DTNA: variants seen among roughly 807,000 people sequenced by gnomAD.
DTNA encodes the protein dystrophin-related protein 3.
In DTNA, 43 loss-of-function variants were observed where a neutral mutation model predicts 100.7. That is an observed-to-expected ratio of 0.43 (90% CI 0.33 to 0.55). The LOEUF is 0.55. Ranked by LOEUF, DTNA falls within the 20% of genes least tolerant of loss-of-function variation. The pLI, the probability that DTNA is intolerant of heterozygous loss-of-function variation, is 0.04. For missense variants in DTNA, 798 were observed against 953.9 expected, an observed-to-expected ratio of 0.84 and a Z score of 2.15; for synonymous variants, 349 against 347.9, an observed-to-expected ratio of 1.00 and a Z score of -0.04.
rs181092486 is a variant in DTNA at position 34,868,214 on chromosome 18, C to G, written c.1743+4152C>G. The G allele has an allele frequency of 8.8e-4, 251 of 284,076 alleles. 1 individual carries two copies. In the Middle Eastern group the frequency reaches 0.02, roughly 23 times the overall value. 17.6% of individuals were successfully genotyped at this position (284,076 alleles called of 1,614,324 possible). On this transcript the variant is annotated intron_variant, in intron 17 of 22. Coordinates refer to ENST00000444659, the MANE Select transcript of DTNA (RefSeq NM_001386795.1). The stretch of plus-strand genomic sequence containing the variant: ...TTATCAGTACAGAAATACCACTTCT[C>G]AGGGGAACAAAATTTCTGTTGGCAT...
At chr18:34,802,186 A>G (rs1401339871) in intron 4 of DTNA, among the ~76,000 whole-genome samples, 1 of 152,196 alleles carries the variant, frequency 6.6e-6, no homozygotes, top group Admixed American at 6.5e-5. Flanking sequence ...GTTTGGCCTG[A>G]AGTTTTAGGG....
chr18:34,497,062 T>C (rs527716133), intron 1 of DTNA, among the ~76,000 whole-genome samples: 1 of 151,600 alleles, frequency 6.6e-6, no homozygotes, highest in East Asian at 1.9e-4. Context: ...ACTTGCCTAT[T>C]TGCAAAGAGT....
upstream of DTNA, among the ~76,000 whole-genome samples, chr18:34,706,009 G>T (rs373278614): frequency 6.6e-6 from 1 of 152,070 alleles, no homozygotes; most frequent in Non-Finnish European, 1.5e-5. Flanking sequence ...GTGTAGTGGC[G>T]TGATCTCAGC....
At chr18:34,535,823 A>G (rs1447881225) in intron 1 of DTNA, among the ~76,000 whole-genome samples, 1 of 151,808 alleles carries the variant, frequency 6.6e-6, no homozygotes, top group Non-Finnish European at 1.5e-5. Flanking sequence ...GGCATTTTTT[A>G]CCTCTGCCCC....
At chr18:34,510,712 A>G (rs773348385) in intron 1 of DTNA, among the ~76,000 whole-genome samples, 1 of 150,702 alleles carries the variant, frequency 6.6e-6, no homozygotes, top group Non-Finnish European at 1.5e-5. Flanking sequence ...TTAAAAGTAC[A>G]GGTATCTAAA....
At chr18:34,554,205 G>A (rs1287943208) in intron 1 of DTNA, among the ~76,000 whole-genome samples, 1 of 134,646 alleles carries the variant, frequency 7.4e-6, no homozygotes, top group African/African-American at 3.0e-5. Context: ...GAATGCTTGT[G>A]ATTTTTGTAC....
At chr18:34,843,354 T>A in intron 13 of DTNA, among the ~76,000 whole-genome samples, 1 of 151,722 alleles carries the variant, frequency 6.6e-6, no homozygotes, top group South Asian at 2.1e-4. Flanking sequence ...TGGGCAAGAA[T>A]TTTTTTTTAA....
chr18:34,701,421 G>A (rs544289544), intron 1 of DTNA, among the ~76,000 whole-genome samples: 2 of 152,130 alleles, frequency 1.3e-5, no homozygotes, highest in South Asian at 2.1e-4. Context: ...ATAGAAGCAC[G>A]CTCACATGGT....
At chr18:34,691,154 C>T (rs569951905) in intron 1 of DTNA, among the ~76,000 whole-genome samples, 56 of 152,328 alleles carry the variant, frequency 3.7e-4, no homozygotes, top group African/African-American at 1.3e-3. Flanking sequence ...TCATATAGCA[C>T]ACCTATATTA....
At chr18:34,813,524 T>C (rs925759517) in intron 6 of DTNA, among the ~76,000 whole-genome samples, 1 of 150,028 alleles carries the variant, frequency 6.7e-6, no homozygotes, top group African/African-American at 2.5e-5. Flanking sequence ...GGATTAAGAG[T>C]CAGGAAGTCT....
At chr18:34,724,013 A>G (rs1177229317) in intron 1 of DTNA, among the ~76,000 whole-genome samples, 8 of 152,250 alleles carry the variant, frequency 5.3e-5, no homozygotes, top group Admixed American at 5.2e-4. Flanking sequence ...ATGAGTGAAT[A>G]TTCTTAGATA....
chr18:34,754,169 C>T (rs948184464), intron 1 of DTNA, among the ~76,000 whole-genome samples: 2 of 152,162 alleles, frequency 1.3e-5, no homozygotes, highest in African/African-American at 4.8e-5. Context: ...TAGTGCTTCA[C>T]CCATAAAAGC....
chr18:34,800,295 C>A (rs982680371), intron 4 of DTNA, among the ~76,000 whole-genome samples: 1 of 152,044 alleles, frequency 6.6e-6, no homozygotes, highest in Admixed American at 6.6e-5. Context: ...GATGAGATAC[C>A]CTTGGAAAAT....
At chr18:34,856,833 C>A (rs2096558051) in intron 15 of DTNA, among the ~76,000 whole-genome samples, 1 of 152,226 alleles carries the variant, frequency 6.6e-6, no homozygotes, top group African/African-American at 2.4e-5. Flanking sequence ...TTTATTTTTT[C>A]TTACCAGAGC....
chr18:34,698,213 G>A (rs1003770023), intron 1 of DTNA, among the ~76,000 whole-genome samples: 7 of 152,202 alleles, frequency 4.6e-5, no homozygotes, highest in Non-Finnish European at 1.0e-4. Flanking sequence ...TGTGAGTGAA[G>A]AGACTTTTCC....
intron 3 of DTNA, among the ~76,000 whole-genome samples, chr18:34,771,549 G>A (rs1360349542): frequency 6.6e-6 from 1 of 151,996 alleles, no homozygotes; most frequent in Non-Finnish European, 1.5e-5. Context: ...TGAGTCAAAG[G>A]GTTCTCCTTT....
At chr18:34,569,890 C>A (rs1053313533) in intron 1 of DTNA, among the ~76,000 whole-genome samples, 6 of 151,342 alleles carry the variant, frequency 4.0e-5, no homozygotes, top group African/African-American at 1.5e-4. Context: ...CACACATACA[C>A]ACACACACAC....
At chr18:34,854,550 GGCTGT>G (rs1319089588) in intron 15 of DTNA, among the ~76,000 whole-genome samples, 21 of 152,318 alleles carry the variant, frequency 1.4e-4, no homozygotes, top group Non-Finnish European at 2.6e-4. Flanking sequence ...GCTGTTGGAA[GGCTGT>G]GCCAGCTTGA....
At chr18:34,755,385 A>G (rs2092703349) in intron 1 of DTNA, 1 of 153,904 alleles carries the variant, frequency 6.5e-6, no homozygotes, top group Non-Finnish European at 1.4e-5. Flanking sequence ...ACCACCTTGC[A>G]TGAAGTTGTT....
Sources: gnomAD v4.1 joint callset for allele counts (sites outside exome capture counted in the v4.1 genomes callset) on GRCh38, gnomAD v4.1.1 for gene constraint, MANE v1.5 for transcripts, NCBI Gene and HGNC (gene_info 2026-07-23, HGNC 2026-07-21) for gene names.